The following MORN5 variants were observed in gnomAD, a reference collection of about 807,000 sequenced individuals.
The protein encoded by MORN5 is MORN repeat-containing protein 5.
Under a neutral mutation model 22.1 loss-of-function variants are expected in MORN5, and 21 were observed. That is an observed-to-expected ratio of 0.95 (90% confidence interval 0.67 to 1.37). The LOEUF is 1.37. MORN5 is among the 40% of genes most tolerant of loss of function. MORN5 has a pLI of 0.00. For synonymous variants in MORN5, 73 were observed against 74.0 expected, an observed-to-expected ratio of 0.99 and a Z score of 0.07; for missense variants, 211 against 215.1, an observed-to-expected ratio of 0.98 and a Z score of 0.12.
chr9:122,166,951 G>C (rs750923987), intron 2 of MORN5, 36 bp downstream of exon 2: 108 of 1,591,468 alleles, frequency 6.8e-5, no homozygotes, highest in Non-Finnish European at 8.8e-5. Context: ...GTGGAGGAGA[G>C]ATCCTCACGC....
At chr9:122,171,470 G>C (rs1028075282) in intron 3 of MORN5, among the ~76,000 whole-genome samples, 1 of 152,002 alleles carries the variant, frequency 6.6e-6, no homozygotes, top group African/African-American at 2.4e-5. Context: ...TCTGGCTTAG[G>C]CATTTTCTGT....
chr9:122,186,802 T>C (rs907548972), intron 4 of MORN5, among the ~76,000 whole-genome samples: 2 of 152,196 alleles, frequency 1.3e-5, no homozygotes, highest in Non-Finnish European at 2.9e-5. Context: ...TCTCCTTTAA[T>C]AGAAGTGAGT....
intron 4 of MORN5, among the ~76,000 whole-genome samples, chr9:122,194,842 A>G (rs1829850791): frequency 2.0e-5 from 3 of 152,160 alleles, no homozygotes; most frequent in African/African-American, 4.8e-5. Context: ...CAACATGGTG[A>G]AACCCCATCT....
chr9:122,187,377 C>T (rs545681840), intron 4 of MORN5, among the ~76,000 whole-genome samples: 49 of 152,324 alleles, frequency 3.2e-4, no homozygotes, highest in African/African-American at 7.9e-4. Context: ...CATTCTGTTA[C>T]GGACGTGTCC....
intron 1 of MORN5, among the ~76,000 whole-genome samples, chr9:122,165,395 C>CAAAAAAAAA (rs59306308): frequency 1.2e-5 from 1 of 82,946 alleles, no homozygotes; most frequent in Non-Finnish European, 2.1e-5. Context: ...CCCGTCTCTA[C>CAAAAAAAAA]AAAAAAAAAA....
At chr9:122,185,456 G>C (rs1449572224) in intron 4 of MORN5, among the ~76,000 whole-genome samples, 1 of 143,872 alleles carries the variant, frequency 7.0e-6, no homozygotes, top group Admixed American at 6.8e-5. Flanking sequence ...TCGATCTCCT[G>C]ACCTCGTGAT....
rs916805866 is a variant in MORN5 at position 122,197,244 on chromosome 9, T to G, written c.440-2641T>G. Among the ~76,000 whole-genome samples, 4 of 146,956 alleles carry G rather than the reference T, an allele frequency of 2.7e-5. No individual in the cohort carries two copies. Among genetic ancestry groups the G allele is most frequent in the African/African-American group, 8.0e-5 (3 of 37,334 alleles). On this transcript the variant is annotated intron_variant, in intron 4 of 4. Transcript: ENST00000373764. This position sits in a 1 kb window ranked among gnomAD's most constrained non-coding sequence, Gnocchi z 5.7. The stretch of plus-strand genomic sequence containing the variant: ...ATAATTTACAATTGATTAAAGAGTT[T>G]GTGGGGTGTTTTTCCCCCATCTTTT...
chr9:122,164,230 A>C (rs113207585), intron 1 of MORN5, among the ~76,000 whole-genome samples: 10,008 of 132,558 alleles, frequency 0.075, 1,122 homozygotes, highest in African/African-American at 0.26. Flanking sequence ...AGAGAGAGAG[A>C]GTGAAGGAGA....
At chr9:122,191,687 C>T (rs925625527) in intron 4 of MORN5, among the ~76,000 whole-genome samples, 4 of 152,248 alleles carry the variant, frequency 2.6e-5, no homozygotes, top group East Asian at 1.9e-4. Flanking sequence ...AGCCCAAAGG[C>T]GTGCGAAGAG....
chr9:122,167,715 C>T (rs1195530978), intron 2 of MORN5, among the ~76,000 whole-genome samples: 1 of 152,178 alleles, frequency 6.6e-6, no homozygotes, highest in African/African-American at 2.4e-5. Flanking sequence ...TGTGTTGGTA[C>T]TATAACAGGT....
At chr9:122,193,228 A>G (rs556861674) in intron 4 of MORN5, among the ~76,000 whole-genome samples, 2 of 152,230 alleles carry the variant, frequency 1.3e-5, no homozygotes, top group Admixed American at 6.5e-5. Context: ...CTATGAACTT[A>G]TACATTTTTG....
intron 4 of MORN5, among the ~76,000 whole-genome samples, chr9:122,184,713 T>A (rs1829586928): frequency 6.6e-6 from 1 of 152,248 alleles, no homozygotes; most frequent in Non-Finnish European, 1.5e-5. Context: ...ATCTCCACAG[T>A]AACCCTGCAA....
chr9:122,192,946 G>A (rs1424181102), intron 4 of MORN5, among the ~76,000 whole-genome samples: 1 of 152,076 alleles, frequency 6.6e-6, no homozygotes, highest in African/African-American at 2.4e-5. Context: ...TATTCACCAC[G>A]TACTTATGAA....
rs551185263 is a variant in MORN5, at chr9:122,177,173, G to C, written c.439+2546G>C. ...TGGGACCCAGACCTCTGGCGGGGGA[G>C]CACTGCCAGTGGAGCCTCTGAAGAG... On this transcript the variant is annotated intron_variant, in intron 4 of 4. Coordinates refer to ENST00000373764, the MANE Select transcript of MORN5 (RefSeq NM_198469.4). 9.2e-5 allele frequency among the ~76,000 whole-genome samples: 14 copies of C among 152,376 alleles called. No individual in the cohort carries two copies. In the East Asian group the frequency reaches 2.7e-3, roughly 29 times the overall value.
At chr9:122,166,695 T>C in intron 1 of MORN5, 73 bp from the exon 2 acceptor site, 1 of 1,401,712 alleles carries the variant, frequency 7.1e-7, no homozygotes, top group Non-Finnish European at 9.9e-7. Flanking sequence ...GGGTTCCTGC[T>C]CACTCTGTTG....
chr9:122,163,663 G>A (rs1829234363), intron 1 of MORN5, among the ~76,000 whole-genome samples: 1 of 152,196 alleles, frequency 6.6e-6, no homozygotes, highest in Admixed American at 6.5e-5. Context: ...TGTGCCCAGA[G>A]GAGTTATGCA....
At chr9:122,192,787 C>T (rs919213458) in intron 4 of MORN5, among the ~76,000 whole-genome samples, 1 of 152,232 alleles carries the variant, frequency 6.6e-6, no homozygotes, top group African/African-American at 2.4e-5. Flanking sequence ...CAGCAGCTGG[C>T]GGTCTTGGAC....
chr9:122,166,949 G>A (rs1427305308), intron 2 of MORN5, 34 bp downstream of exon 2: 2 of 1,596,522 alleles, frequency 1.3e-6, no homozygotes, highest in Middle Eastern at 3.3e-4. Context: ...CTGTGGAGGA[G>A]AGATCCTCAC....
At chr9:122,185,334 T>C (rs571784341) in intron 4 of MORN5, among the ~76,000 whole-genome samples, 178 of 152,244 alleles carry the variant, frequency 1.2e-3, no homozygotes, top group African/African-American at 4.0e-3. Flanking sequence ...GCCATTCTCC[T>C]GCCTCAGCCT....
Sources: allele counts gnomAD v4.1 joint callset (sites outside exome capture counted in the v4.1 genomes callset), GRCh38; gene constraint gnomAD v4.1.1; non-coding constraint Gnocchi (gnomAD v3.1); transcripts MANE v1.5; gene names NCBI Gene and HGNC (gene_info 2026-07-23, HGNC 2026-07-21).